The following TRIM69 variants were observed in gnomAD, a reference collection of about 807,000 sequenced individuals.
TRIM69 encodes the protein E3 ubiquitin-protein ligase TRIM69.
Under a neutral mutation model 37.7 loss-of-function variants are expected in TRIM69, and 29 were observed. The ratio of observed to expected loss-of-function variants is 0.77; its 90% CI spans 0.57 to 1.05. The LOEUF is 1.05. Among genes scored for constraint, TRIM69 ranks in the 50% least tolerant of loss-of-function variants. The probability of loss-of-function intolerance (pLI) is 0.00; values close to 1 mark genes in which losing one functional copy is unlikely to be tolerated. For missense variants in TRIM69, 596 were observed against 579.9 expected (o/e 1.03, Z -0.28); for synonymous variants, 209 against 212.4 (o/e 0.98, Z 0.14).
chr15:44,767,745 A>G lies in TRIM69; in HGVS notation c.1476A>G (p.Glu492=), dbSNP rs2087933957. ...TTAATGATGGTGGAGAGAATAAAGA[A>G]CCATTGCACATCTTACATCCACAGT... ...PCLNDGGENK[E]PLHILHPQ is the part of the protein sequence containing the mutation. Residue 492 remains glutamate, a synonymous_variant, in exon 7 of 7, where the codon GAA becomes GAG. Coordinates refer to ENST00000329464, the MANE Select transcript of TRIM69 (RefSeq NM_182985.5). The G allele has an allele frequency of 6.2e-7, 1 of 1,612,948 alleles. No individual in the cohort carries two copies. The highest frequency in any genetic ancestry group is 8.5e-7 in the Non-Finnish European group (1 of 1,179,924).
At chr15:44,762,256 G>A (rs1035437405) in intron 6 of TRIM69, among the ~76,000 whole-genome samples, 8 of 152,148 alleles carry the variant, frequency 5.3e-5, no homozygotes, top group African/African-American at 1.4e-4. Flanking sequence ...GTGAGCCACC[G>A]CACCTGGCCA....
intron 1 of TRIM69, among the ~76,000 whole-genome samples, chr15:44,742,286 C>G (rs1371283856): frequency 4.9e-5 from 7 of 143,838 alleles, no homozygotes; most frequent in Non-Finnish European, 9.2e-5. Context: ...GCTAAAAACT[C>G]TCAATAAATT....
chr15:44,762,366 C>T (rs1037677667), intron 6 of TRIM69, among the ~76,000 whole-genome samples: 4 of 152,060 alleles, frequency 2.6e-5, no homozygotes, highest in Admixed American at 6.6e-5. Context: ...TCTGCTTGTG[C>T]GTCATTGAGC....
chr15:44,752,152 T>C (rs1271406583), intron 1 of TRIM69, among the ~76,000 whole-genome samples: 1 of 152,170 alleles, frequency 6.6e-6, no homozygotes, highest in Non-Finnish European at 1.5e-5. Context: ...AATTTTCACA[T>C]ATTTATGAAT....
chr15:44,743,815 A>G (rs1007689214), intron 1 of TRIM69, among the ~76,000 whole-genome samples: 3 of 152,310 alleles, frequency 2.0e-5, no homozygotes, highest in African/African-American at 4.8e-5. Context: ...AACAGGTGCT[A>G]CAGAGGATGT....
Position 44,767,610 on chromosome 15 carries a change from G to C in TRIM69, c.1341G>C (p.Leu447=), listed in dbSNP as rs536554781. 4.0e-5 allele frequency: 64 copies of C among 1,614,014 alleles called. No individual in the cohort carries two copies. The highest frequency in any genetic ancestry group is 8.3e-5 in the Admixed American group (5 of 59,990). ...ACCTCGACAAGGTGGGCATATACCTGGATTATGAAGGAGGACAGTTGTCCT... is the reference window on the plus strand; with the variant it reads ...ACCTCGACAAGGTGGGCATATACCTCGATTATGAAGGAGGACAGTTGTCCT... ...TNNLDKVGIY[L]DYEGGQLSFY... is the part of the protein sequence containing the mutation. Residue 447 remains leucine, a synonymous_variant, in exon 7 of 7, where the codon CTG becomes CTC. Coordinates refer to ENST00000329464, the MANE Select transcript of TRIM69 (RefSeq NM_182985.5).
intron 3 of TRIM69, chr15:44,758,392 A>G (rs567054132): frequency 7.5e-5 from 47 of 623,244 alleles, no homozygotes; most frequent in African/African-American, 7.5e-4. Flanking sequence ...GCAATAGGAA[A>G]CTGGAGGTCA....
intron 6 of TRIM69, among the ~76,000 whole-genome samples, chr15:44,764,947 C>A (rs2087854842): frequency 6.6e-6 from 1 of 152,154 alleles, no homozygotes. Flanking sequence ...TCATGTGGCT[C>A]TTTTTTCCTC....
At chr15:44,762,071 T>C (rs2141147253) in intron 6 of TRIM69, among the ~76,000 whole-genome samples, 1 of 152,290 alleles carries the variant, frequency 6.6e-6, no homozygotes, top group Non-Finnish European at 1.5e-5. Flanking sequence ...GTTCACGCCA[T>C]TCTCCTGCCT....
chr15:44,758,950 A>T, intron 4 of TRIM69, 96 bp downstream of exon 4: 1 of 1,236,680 alleles, frequency 8.1e-7, no homozygotes, highest in Non-Finnish European at 1.1e-6. Context: ...ACATCCAGGG[A>T]AAACAAAACA....
Position 44,755,157 on chromosome 15 carries a change from C to T in TRIM69, c.264C>T (p.Asn88=). The change falls in exon 2 of 7, where the codon AAC becomes AAT. Residue 88 remains asparagine (N), a synonymous_variant. Transcript: ENST00000329464. ...CPECKMLCQY[N]NCTFNPVLDK... is the part of the protein sequence containing the mutation. The stretch of plus-strand genomic sequence containing the variant: ...AGTGTAAGATGCTATGTCAGTATAA[C>T]AACTGTACATTCAACCCTGTACTGG... 5 of 1,614,192 alleles carry T rather than the reference C, an allele frequency of 3.1e-6. No homozygotes were observed. The highest frequency in any genetic ancestry group is 4.2e-6 in the Non-Finnish European group (5 of 1,180,044).
intron 1 of TRIM69, among the ~76,000 whole-genome samples, chr15:44,745,199 G>A (rs1193341103): frequency 6.6e-6 from 1 of 152,050 alleles, no homozygotes; most frequent in African/African-American, 2.4e-5. Context: ...CAACATATAC[G>A]AAGCCCATTT....
intron 1 of TRIM69, among the ~76,000 whole-genome samples, chr15:44,739,472 T>G (rs1310192402): frequency 6.6e-6 from 1 of 152,234 alleles, no homozygotes; most frequent in African/African-American, 2.4e-5. Flanking sequence ...GTCCCTTTCC[T>G]AGTCAAAGAA....
chr15:44,743,180 C>A lies in TRIM69; in HGVS notation c.6+6470C>A, dbSNP rs185149052. Reference sequence around the variant, plus strand: ...ATGCCGCATATCTACAACTATCTAACCTTTGGAAACCTGAGAAAAACAAGC... The same window carrying A: ...ATGCCGCATATCTACAACTATCTAAACTTTGGAAACCTGAGAAAAACAAGC... On this transcript the variant is annotated intron_variant, in intron 1 of 6. Coordinates refer to ENST00000329464, the MANE Select transcript of TRIM69 (RefSeq NM_182985.5). Among the ~76,000 whole-genome samples the A allele has an allele frequency of 2.6e-3, 394 of 151,908 alleles. 3 individuals carry two copies. The highest frequency in any genetic ancestry group is 1.0e-3 in the Non-Finnish European group (69 of 67,938).
chr15:44,745,024 T>C (rs2087373676), intron 1 of TRIM69, among the ~76,000 whole-genome samples: 2 of 149,094 alleles, frequency 1.3e-5, no homozygotes, highest in Admixed American at 6.8e-5. Flanking sequence ...CACATATTCC[T>C]GGTAATCTAG....
chr15:44,743,341 G>T (rs965053811), intron 1 of TRIM69, among the ~76,000 whole-genome samples: 8 of 152,180 alleles, frequency 5.3e-5, no homozygotes, highest in African/African-American at 1.9e-4. Context: ...TTAAACATTA[G>T]ACCTAAAACC....
chr15:44,763,197 T>C (rs1249340488), intron 6 of TRIM69, among the ~76,000 whole-genome samples: 1 of 152,218 alleles, frequency 6.6e-6, no homozygotes, highest in Non-Finnish European at 1.5e-5. Context: ...CCCTTGGCTG[T>C]GACAGTTTCT....
Position 44,767,826 on chromosome 15 carries a change from T to C in TRIM69, c.*54T>C. Reference sequence around the variant, plus strand: ...TGTTATTAAAGAGGTATTGAAATATTTTACCAGTCTCACTGGATTCTCTTC... The same window carrying C: ...TGTTATTAAAGAGGTATTGAAATATCTTACCAGTCTCACTGGATTCTCTTC... On this transcript the variant is annotated 3_prime_UTR_variant, in exon 7 of 7. Transcript: ENST00000329464. 6.7e-7 allele frequency: 1 copy of C among 1,494,658 alleles called. No individual in the cohort carries two copies. The highest frequency in any genetic ancestry group is 9.0e-7 in the Non-Finnish European group (1 of 1,113,782). The allele number at this position is 1,494,658 out of a possible 1,614,324, so 92.6% of individuals were successfully genotyped here. A position where few individuals can be genotyped will look rare whatever the true frequency, so the allele number is the denominator to read the frequency against.
At position 44,758,842 on chromosome 15, in the gene TRIM69, C is replaced by T. The variant is rs147224384; in HGVS notation, c.801C>T (p.Phe267=). Residue 267 remains phenylalanine (F), a synonymous_variant, in exon 4 of 7, where the codon TTC becomes TTT. Coordinates refer to ENST00000329464, the MANE Select transcript of TRIM69 (RefSeq NM_182985.5). Reference sequence around the variant, plus strand: ...CAAAGACGGAACAACAGAACTCCTTCGACTTTCTCAAAGTGAGAATCCACA... The same window carrying T: ...CAAAGACGGAACAACAGAACTCCTTTGACTTTCTCAAAGTGAGAATCCACA... ...IQAKTEQQNS[F]DFLKDITTLL... 13 of 1,612,668 alleles carry T rather than the reference C, an allele frequency of 8.1e-6. No individual in the cohort carries two copies. The highest frequency in any genetic ancestry group is 1.1e-5 in the South Asian group (1 of 90,754).
Sources: gnomAD v4.1 joint callset for allele counts (sites outside exome capture counted in the v4.1 genomes callset) on GRCh38, gnomAD v4.1.1 for gene constraint, MANE v1.5 for transcripts, NCBI Gene and HGNC (gene_info 2026-07-23, HGNC 2026-07-21) for gene names.